SLC23A2: variants seen among roughly 807,000 people sequenced by gnomAD.
The protein encoded by SLC23A2 is solute carrier family 23 member 2, also known as Na(+)/L-ascorbic acid transporter 2.
A neutral mutation model predicts 73.3 loss-of-function variants in SLC23A2; 36 were observed. The observed-to-expected ratio is 0.49, with a 90% CI of 0.38 to 0.65. The LOEUF is 0.65. Among genes scored for constraint, SLC23A2 ranks in the 30% least tolerant of loss-of-function variants. The pLI, the probability that SLC23A2 is intolerant of heterozygous loss-of-function variation, is 0.00. For synonymous variants in SLC23A2, 343 were observed against 327.3 expected (o/e 1.05, Z -0.52); for missense variants, 507 against 841.6 (o/e 0.60, Z 4.92).
At chr20:4,864,033 A>G (rs192711657) in intron 13 of SLC23A2, among the ~76,000 whole-genome samples, 45 of 152,092 alleles carry the variant, frequency 3.0e-4, no homozygotes, top group Admixed American at 2.7e-3. Context: ...CCGGCACCAC[A>G]CGTGAGAGGT....
intron 1 of SLC23A2, among the ~76,000 whole-genome samples, chr20:4,984,393 A>G (rs2087787068): frequency 6.6e-6 from 1 of 152,034 alleles, no homozygotes; most frequent in Admixed American, 6.6e-5. Context: ...TCTCTACTAA[A>G]AATACAAAAA....
At chr20:4,875,780 G>C (rs565435745) in intron 9 of SLC23A2, among the ~76,000 whole-genome samples, 203 of 152,314 alleles carry the variant, frequency 1.3e-3, no homozygotes, top group African/African-American at 4.6e-3. Context: ...GCCTCCACGC[G>C]GTCTCGCTCT....
At chr20:4,871,371 G>A (rs1441060196) in intron 11 of SLC23A2, among the ~76,000 whole-genome samples, 1 of 152,184 alleles carries the variant, frequency 6.6e-6, no homozygotes, top group African/African-American at 2.4e-5. Flanking sequence ...AGGATCTGAG[G>A]AGGAGGTGGG....
intron 3 of SLC23A2, among the ~76,000 whole-genome samples, chr20:4,931,111 G>T (rs1246254937): frequency 4.1e-5 from 6 of 146,046 alleles, no homozygotes; most frequent in African/African-American, 1.3e-4. Flanking sequence ...CAAGGCCGGA[G>T]GATTGCTTGA....
At chr20:4,922,131 A>G (rs1332217277) in intron 3 of SLC23A2, among the ~76,000 whole-genome samples, 1 of 152,238 alleles carries the variant, frequency 6.6e-6, no homozygotes, top group African/African-American at 2.4e-5. Context: ...ATTAAAACTA[A>G]GAAGCCTGCC....
At chr20:4,982,847 T>C (rs1359311885) in intron 1 of SLC23A2, among the ~76,000 whole-genome samples, 1 of 152,150 alleles carries the variant, frequency 6.6e-6, no homozygotes, top group Non-Finnish European at 1.5e-5. Context: ...GGCTCACACC[T>C]GTAATCCCAG....
chr20:4,992,827 G>A (rs575145776), intron 1 of SLC23A2, among the ~76,000 whole-genome samples: 13 of 151,806 alleles, frequency 8.6e-5, no homozygotes, highest in Non-Finnish European at 1.3e-4. Context: ...TTGAATTTAA[G>A]TCAAGGCATA....
rs529670170 is a variant in SLC23A2, at chr20:4,891,819, C to T, written c.483-5910G>A. Reference sequence around the variant, plus strand: ...GGCTGGAGTGTAGTGGCGCAAATCACAGCTCACTGTAGCCTTGACCTCCTG... The same window carrying T: ...GGCTGGAGTGTAGTGGCGCAAATCATAGCTCACTGTAGCCTTGACCTCCTG... On this transcript the variant is annotated intron_variant, in intron 6 of 16. Transcript: ENST00000338244. Among the ~76,000 whole-genome samples, 55 of 152,348 alleles carry T rather than the reference C, an allele frequency of 3.6e-4. 1 individual carries two copies. The South Asian group carries it at 0.011, about 32-fold the overall frequency.
intron 8 of SLC23A2, 119 bp downstream of exon 8, chr20:4,884,634 C>T: frequency 2.7e-6 from 2 of 737,784 alleles, no homozygotes; most frequent in Non-Finnish European, 4.9e-6. Flanking sequence ...AATAAACTAT[C>T]AGTAATTGAA....
rs1929997664 is a variant in SLC23A2 at position 4,862,328 on chromosome 20, G to A, written c.1487-243C>T. Among the ~76,000 whole-genome samples, 1 of 152,206 alleles carries A rather than the reference G, an allele frequency of 6.6e-6. No homozygotes were observed. Among genetic ancestry groups the A allele is most frequent in the South Asian group, 2.1e-4 (1 of 4,830 alleles). On this transcript the variant is annotated intron_variant, in intron 14 of 16. Coordinates refer to ENST00000338244, the MANE Select transcript of SLC23A2 (RefSeq NM_005116.6). This position sits in a 1 kb window ranked among gnomAD's most constrained non-coding sequence, Gnocchi z 5.1. Reference sequence around the variant, plus strand: ...GAGCATAAACACCATGTGGCATTTTGTTTGTCAAATAGAAAACTAAGGACA... The same window carrying A: ...GAGCATAAACACCATGTGGCATTTTATTTGTCAAATAGAAAACTAAGGACA...
chr20:4,991,742 AC>A (rs1451222810), intron 1 of SLC23A2, among the ~76,000 whole-genome samples: 2 of 151,390 alleles, frequency 1.3e-5, no homozygotes, highest in Non-Finnish European at 2.9e-5. Flanking sequence ...ACACACACAC[AC>A]ACACACACAC....
chr20:4,941,410 C>T (rs1388373504), intron 2 of SLC23A2, among the ~76,000 whole-genome samples: 2 of 151,798 alleles, frequency 1.3e-5, no homozygotes, highest in Non-Finnish European at 2.9e-5. Context: ...AAAACAATAC[C>T]ATATTGTACA....
At position 4,966,685 on chromosome 20, in the gene SLC23A2, T is replaced by C. The variant is rs146019390; in HGVS notation, c.-155+4108A>G. On this transcript the variant is annotated intron_variant, in intron 2 of 16. Coordinates refer to ENST00000338244, the MANE Select transcript of SLC23A2 (RefSeq NM_005116.6). ...ATTACATATGTGACTTCCATTATAATGGTATTAGGCACTGCTAGTCTAAAA... is the reference window on the plus strand; with the variant it reads ...ATTACATATGTGACTTCCATTATAACGGTATTAGGCACTGCTAGTCTAAAA... Among the ~76,000 whole-genome samples, 887 of 152,254 alleles carry C rather than the reference T, an allele frequency of 5.8e-3. 13 individuals carry two copies. The highest frequency in any genetic ancestry group is 0.02 in the African/African-American group (815 of 41,558).
rs751863955 is a variant in SLC23A2 at position 4,932,463 on chromosome 20, T to A, written c.100A>T (p.Thr34Ser). ...EDEAKHPAFF[T>S]LPVVINGGAT... is the part of the protein sequence containing the mutation. ...ATGGGGAATATGATTACCGGAAGAG[T>A]GAAGAAAGCTGGGTGCTTTGCCTCG... is the stretch of plus-strand genomic sequence containing the variant. Residue 34 changes from threonine (T) to serine (S), a missense_variant, in exon 3 of 17, where the codon ACT (threonine) becomes TCT (serine). Thr to Ser is a moderately conservative substitution (Grantham distance 58). Around this residue, in one of 5 missense-constraint regions of SLC23A2, gnomAD observed 78 missense variants for 86.7 expected, o/e 0.90. Coordinates refer to ENST00000338244, the MANE Select transcript of SLC23A2 (RefSeq NM_005116.6). 1 of 1,558,410 alleles carries A rather than the reference T, an allele frequency of 6.4e-7. No individual in the cohort carries two copies. Among genetic ancestry groups the A allele is most frequent in the South Asian group, 1.1e-5 (1 of 89,996 alleles).
intron 9 of SLC23A2, 89 bp from the exon 10 acceptor site, chr20:4,874,785 T>G: frequency 9.1e-7 from 1 of 1,104,794 alleles, no homozygotes; most frequent in South Asian, 1.7e-5. Flanking sequence ...AAAATTGACA[T>G]AGTGTTCAAT....
chr20:4,994,761 C>CA (rs946312365), intron 1 of SLC23A2, among the ~76,000 whole-genome samples: 1 of 151,000 alleles, frequency 6.6e-6, no homozygotes, highest in Middle Eastern at 3.4e-3. Flanking sequence ...ATTCCGTCCC[C>CA]AAAAAAAATA....
rs570021568 is a variant in SLC23A2, at chr20:4,852,365, A to G, written c.*4607T>C. ...GCACGTGAAGAGCAAAACTGTGTCC[A>G]GGAGAGCTTTTATTTGTACGGAACA... On this transcript the variant is annotated 3_prime_UTR_variant, in exon 17 of 17. Coordinates refer to ENST00000338244, the MANE Select transcript of SLC23A2 (RefSeq NM_005116.6). This position sits in a 1 kb window ranked among gnomAD's most constrained non-coding sequence, Gnocchi z 4.3. 1 of 152,526 alleles carries G rather than the reference A, an allele frequency of 6.6e-6. No homozygotes were observed. The highest frequency in any genetic ancestry group is 1.5e-5 in the Non-Finnish European group (1 of 68,042). 9.4% of individuals were successfully genotyped at this position (152,526 alleles called of 1,614,324 possible).
intron 2 of SLC23A2, among the ~76,000 whole-genome samples, chr20:4,965,844 G>A (rs2087466087): frequency 6.6e-6 from 1 of 151,970 alleles, no homozygotes; most frequent in African/African-American, 2.4e-5. Flanking sequence ...GCATGCGCCT[G>A]TAATTCCAGC....
intron 6 of SLC23A2, among the ~76,000 whole-genome samples, chr20:4,892,638 A>G (rs966613654): frequency 6.6e-6 from 1 of 152,222 alleles, no homozygotes; most frequent in African/African-American, 2.4e-5. Context: ...CCTACACAGT[A>G]ATTTTGGCAA....
Sources: allele counts gnomAD v4.1 joint callset (sites outside exome capture counted in the v4.1 genomes callset), GRCh38; gene constraint gnomAD v4.1.1; regional missense constraint gnomAD v4.1.1; non-coding constraint Gnocchi (gnomAD v3.1); transcripts MANE v1.5; gene names NCBI Gene and HGNC (gene_info 2026-07-23, HGNC 2026-07-21).